Variants in GRM5 observed in about 807,000 individuals in gnomAD.
GRM5 encodes glutamate metabotropic receptor 5.
Under a neutral mutation model 83.1 loss-of-function variants are expected in GRM5, and 19 were observed. The ratio of observed to expected loss-of-function variants is 0.23; its 90% confidence interval spans 0.16 to 0.34. GRM5 has a LOEUF of 0.34. Ranked by LOEUF, GRM5 falls within the 10% of genes least tolerant of loss-of-function variation. GRM5 has a pLI of 1.00. For missense variants in GRM5, 1,160 were observed against 1,588.3 expected (o/e 0.73, Z 4.58); for synonymous variants, 675 against 633.6 (o/e 1.07, Z -0.98).
chr11:88,679,380 GTA>G (rs1940418416), intron 3 of GRM5, among the ~76,000 whole-genome samples: 1 of 152,106 alleles, frequency 6.6e-6, no homozygotes, highest in Non-Finnish European at 1.5e-5. Flanking sequence ...TTTATTTTAA[GTA>G]TAGTGACTTG....
intron 2 of GRM5, among the ~76,000 whole-genome samples, chr11:88,870,987 T>C (rs1415113873): frequency 6.6e-6 from 1 of 151,628 alleles, no homozygotes; most frequent in African/African-American, 2.4e-5. Flanking sequence ...GCTAAATTAG[T>C]GTGATGTGAC....
intron 3 of GRM5, among the ~76,000 whole-genome samples, chr11:88,716,124 C>CAGAG (rs1941395188): frequency 1.3e-5 from 2 of 151,966 alleles, no homozygotes; most frequent in Admixed American, 6.6e-5. Context: ...GTTTGTAAGG[C>CAGAG]AGAGATTTTG....
intron 8 of GRM5, 86 bp from the exon 9 acceptor site, chr11:88,525,490 G>A (rs1941850370): frequency 2.5e-6 from 2 of 814,724 alleles, no homozygotes; most frequent in African/African-American, 1.7e-5. Flanking sequence ...CGTGACTGTG[G>A]AGATGGTCAC....
chr11:88,557,198 T>C (rs1296917245), intron 8 of GRM5, among the ~76,000 whole-genome samples: 1 of 152,122 alleles, frequency 6.6e-6, no homozygotes, highest in African/African-American at 2.4e-5. Flanking sequence ...TATATGTGGA[T>C]AGGCGATGAT....
intron 4 of GRM5, among the ~76,000 whole-genome samples, chr11:88,652,735 G>A (rs1490547595): frequency 2.0e-5 from 3 of 151,972 alleles, no homozygotes; most frequent in African/African-American, 4.8e-5. Flanking sequence ...GTAGCAACTC[G>A]ATCTGTCCTT....
At chr11:88,978,474 TAAAAAAAAAAAAAAAAAA>T (rs200343438) in intron 2 of GRM5, among the ~76,000 whole-genome samples, 1,360 of 97,998 alleles carry the variant, frequency 0.014, 44 homozygotes, top group African/African-American at 0.033. Context: ...CAGATGAGCT[TAAAAAAAAAAAAAAAAAA>T]AAAAAAAAAA....
chr11:88,634,345 A>T (rs540249062), intron 4 of GRM5, among the ~76,000 whole-genome samples: 1 of 152,320 alleles, frequency 6.6e-6, no homozygotes, highest in East Asian at 1.9e-4. Flanking sequence ...ATAAACTTTT[A>T]ATTTATTTTT....
intron 3 of GRM5, among the ~76,000 whole-genome samples, chr11:88,663,224 T>C (rs1045724135): frequency 6.6e-6 from 1 of 152,246 alleles, no homozygotes; most frequent in African/African-American, 2.4e-5. Flanking sequence ...AAATAACAGA[T>C]AGTAAGAAAA....
chr11:88,568,394 T>C (rs938986724), intron 7 of GRM5, among the ~76,000 whole-genome samples: 3 of 152,034 alleles, frequency 2.0e-5, no homozygotes, highest in East Asian at 3.9e-4. Context: ...GTTGGTTTGA[T>C]GGAGTTGGGG....
chr11:89,055,137 C>T (rs1449637138), intron 1 of GRM5, among the ~76,000 whole-genome samples: 1 of 152,178 alleles, frequency 6.6e-6, no homozygotes, highest in Non-Finnish European at 1.5e-5. Flanking sequence ...TGCTTCTGAT[C>T]CCTGATATGC....
chr11:88,731,703 T>C (rs1030473386), intron 3 of GRM5, among the ~76,000 whole-genome samples: 1 of 151,996 alleles, frequency 6.6e-6, no homozygotes, highest in African/African-American at 2.4e-5. Context: ...ACCTGACCTA[T>C]ATTTACAGAA....
intron 4 of GRM5, among the ~76,000 whole-genome samples, chr11:88,607,117 A>G (rs571539579): frequency 6.6e-6 from 1 of 152,122 alleles, no homozygotes; most frequent in Non-Finnish European, 1.5e-5. Context: ...GGCGTAGTGC[A>G]TTGTGACATA....
chr11:88,773,892 T>C (rs1251660937), intron 3 of GRM5, among the ~76,000 whole-genome samples: 2 of 152,246 alleles, frequency 1.3e-5, no homozygotes, highest in Non-Finnish European at 2.9e-5. Flanking sequence ...GCATGATGCC[T>C]CTAGCTTTGT....
chr11:89,011,420 AGAC>A (rs1940695443), intron 2 of GRM5, among the ~76,000 whole-genome samples: 1 of 152,198 alleles, frequency 6.6e-6, no homozygotes, highest in Non-Finnish European at 1.5e-5. Context: ...CTTATAAGGG[AGAC>A]GACATCTTCA....
intron 2 of GRM5, among the ~76,000 whole-genome samples, chr11:88,968,273 T>G (rs1390131186): frequency 6.6e-6 from 1 of 152,094 alleles, no homozygotes; most frequent in African/African-American, 2.4e-5. Context: ...GAGAGAAGGC[T>G]TAAACAGGCA....
At chr11:88,948,912 C>A (rs1481622376) in intron 2 of GRM5, among the ~76,000 whole-genome samples, 2 of 152,074 alleles carry the variant, frequency 1.3e-5, no homozygotes, top group African/African-American at 4.8e-5. Context: ...AAATGAAGAG[C>A]AATTGTGTTC....
Position 88,507,253 on chromosome 11 carries a change from C to A in GRM5, c.*1339G>T, listed in dbSNP as rs1419304276. 3 of 152,112 alleles carry A rather than the reference C, an allele frequency of 2.0e-5. No individual in the cohort carries two copies. The highest frequency in any genetic ancestry group is 4.4e-5 in the Non-Finnish European group (3 of 68,012). The allele number at this position is 152,112 out of a possible 1,614,324, so 9.4% of individuals were successfully genotyped here. ...AAAAAAGAAAATAAGAATTGCTTTG[C>A]CTCTTTTTGGAATGGCTAAGAAAGA... is the stretch of plus-strand genomic sequence containing the variant. On this transcript the variant is annotated 3_prime_UTR_variant, in exon 10 of 10. Transcript: ENST00000305447.
rs569174924 is a variant in GRM5, at chr11:88,647,622, G to A, written c.1147+5546C>T. On this transcript the variant is annotated intron_variant, in intron 4 of 9. Coordinates refer to ENST00000305447, the MANE Select transcript of GRM5 (RefSeq NM_001143831.3). ...GGACTTCATGTCCAAAACACCAAAA[G>A]CAATGGCAACAAAAGACAAAATTGA... Among the ~76,000 whole-genome samples, 278 of 152,126 alleles carry A rather than the reference G, an allele frequency of 1.8e-3. 1 individual carries two copies. Among genetic ancestry groups the A allele is most frequent in the African/African-American group, 6.4e-3 (265 of 41,514 alleles).
chr11:88,624,587 C>T (rs531047187), intron 4 of GRM5, among the ~76,000 whole-genome samples: 2 of 152,164 alleles, frequency 1.3e-5, no homozygotes, highest in East Asian at 1.9e-4. Context: ...GGGACCAAGA[C>T]GGGAGGATCT....
Sources: gnomAD v4.1 joint callset for allele counts (sites outside exome capture counted in the v4.1 genomes callset) on GRCh38, gnomAD v4.1.1 for gene constraint, MANE v1.5 for transcripts, NCBI Gene and HGNC (gene_info 2026-07-23, HGNC 2026-07-21) for gene names.